SRGAP3: variants seen among roughly 807,000 people sequenced by gnomAD.
The protein encoded by SRGAP3 is SLIT-ROBO Rho GTPase activating protein 3.
In SRGAP3, 39 loss-of-function variants were observed where a neutral mutation model predicts 121.1. That is an observed-to-expected ratio of 0.32 (90% CI 0.25 to 0.42). SRGAP3 has a LOEUF of 0.42. SRGAP3 is among the 10% of genes least tolerant of loss of function. The pLI is 1.00. For synonymous variants in SRGAP3, 601 were observed against 570.0 expected (o/e 1.05, Z -0.77); for missense variants, 1,213 against 1,470.6 (o/e 0.82, Z 2.86).
At chr3:9,348,950 GT>G (rs2029904864) in intron 1 of SRGAP3, 2 of 944,144 alleles carry the variant, frequency 2.1e-6, no homozygotes, top group Non-Finnish European at 3.5e-6. Flanking sequence ...TGAAGAAATA[GT>G]TCCCCAGATC....
rs1417529539 is a variant in SRGAP3, at chr3:9,078,141, G to A, written c.486+1884C>T. Among the ~76,000 whole-genome samples the A allele has an allele frequency of 2.0e-5, 3 of 152,180 alleles. No individual in the cohort carries two copies. In the East Asian group the frequency reaches 5.8e-4, roughly 29 times the overall value. ...AGCATGACACTAACAGGTAGGTATA[G>A]ACAGCAGGGATTGCAGGGAAAAAGC... On this transcript the variant is annotated intron_variant, in intron 4 of 21. Coordinates refer to ENST00000383836, the MANE Select transcript of SRGAP3 (RefSeq NM_014850.4).
chr3:9,210,590 T>C (rs1340881359), intron 1 of SRGAP3, among the ~76,000 whole-genome samples: 1 of 152,164 alleles, frequency 6.6e-6, no homozygotes, highest in Non-Finnish European at 1.5e-5. Context: ...TTTGGGAGGC[T>C]GAGGCGGGCA....
chr3:9,062,327 C>T (rs9653985), intron 5 of SRGAP3, among the ~76,000 whole-genome samples: 16,721 of 152,196 alleles, frequency 0.11, 1,163 homozygotes, highest in African/African-American at 0.19. Flanking sequence ...TAAAAATCGG[C>T]CTCTGGACTT....
At chr3:9,314,467 GGAA>G (rs1014230713) in intron 3 of SRGAP3, among the ~76,000 whole-genome samples, 7 of 152,016 alleles carry the variant, frequency 4.6e-5, no homozygotes, top group Admixed American at 3.3e-4. Flanking sequence ...AAGGAGAAGG[GGAA>G]GAAGAAGAAA....
rs1428830219 is a variant in SRGAP3, at chr3:9,239,454, C to G, written c.67+9431G>C. ...GAAAGAAAAATATATTTCTTGTGCA[C>G]CTGGGTTTGTAGCTGAGATTTGTTC... On this transcript the variant is annotated intron_variant, in intron 1 of 21. Coordinates refer to ENST00000383836, the MANE Select transcript of SRGAP3 (RefSeq NM_014850.4). The surrounding 1 kb of genome is among the most constrained non-coding windows in gnomAD (Gnocchi z 4.0). 6.6e-6 allele frequency among the ~76,000 whole-genome samples: 1 copy of G among 152,106 alleles called. No individual in the cohort carries two copies. The highest frequency in any genetic ancestry group is 1.5e-5 in the Non-Finnish European group (1 of 68,028).
At chr3:9,031,499 G>A (rs1481581248) in intron 12 of SRGAP3, among the ~76,000 whole-genome samples, 2 of 152,044 alleles carry the variant, frequency 1.3e-5, no homozygotes, top group East Asian at 1.9e-4. Flanking sequence ...TCGACCCTGG[G>A]CAGTCCCAAC....
chr3:9,097,003 A>G (rs1013315780), intron 3 of SRGAP3, among the ~76,000 whole-genome samples: 4 of 140,820 alleles, frequency 2.8e-5, no homozygotes, highest in African/African-American at 1.0e-4. Context: ...ACATATATAT[A>G]TATTAGAGAC....
In SRGAP3 at chr3:8,994,368, G is replaced by C. The variant is rs1942258081; in HGVS notation, c.2383C>G (p.His795Asp). The C allele has an allele frequency of 6.2e-7, 1 of 1,614,164 alleles. No homozygotes were observed. Among genetic ancestry groups the C allele is most frequent in the Non-Finnish European group, 8.5e-7 (1 of 1,180,040 alleles). The change falls in exon 19 of 22, where the codon CAT becomes GAT. Residue 795 changes from histidine to aspartate, a missense_variant. Coordinates refer to ENST00000383836, the MANE Select transcript of SRGAP3 (RefSeq NM_014850.4). The part of the protein sequence containing the change: ...RHNGVDGLIP[H>D]QYIVVQDMDD... ...ATGTCCTGTACAACTATGTACTGAT[G>C]GGGGATGAGTCCATCCACGCCGTTG...
At chr3:9,361,838 G>T (rs2030863950) in intron 1 of SRGAP3, among the ~76,000 whole-genome samples, 2 of 152,120 alleles carry the variant, frequency 1.3e-5, no homozygotes, top group South Asian at 4.1e-4. Context: ...GTCGACAGAG[G>T]ACGTGCAGTG....
intron 1 of SRGAP3, among the ~76,000 whole-genome samples, chr3:9,181,825 G>C (rs1951412159): frequency 6.6e-6 from 1 of 152,180 alleles, no homozygotes; most frequent in South Asian, 2.1e-4. Flanking sequence ...ACTCTCCAAA[G>C]AGGTGGACTG....
intron 3 of SRGAP3, among the ~76,000 whole-genome samples, chr3:9,288,128 TTG>T (rs1491357861): frequency 1.5e-5 from 2 of 131,760 alleles, no homozygotes; most frequent in Admixed American, 1.7e-4. Flanking sequence ...CATTCTATCT[TTG>T]TTTTTTTTTT....
intron 4 of SRGAP3, among the ~76,000 whole-genome samples, chr3:9,075,826 T>C (rs148003171): frequency 6.6e-6 from 1 of 152,330 alleles, no homozygotes; most frequent in East Asian, 1.9e-4. Context: ...GCATGGTAAC[T>C]AGAAAGTGCT....
At chr3:9,249,679 C>G (rs373456808), upstream of SRGAP3, 1 of 232,996 alleles carries the variant, frequency 4.3e-6, no homozygotes, top group African/African-American at 2.2e-5. Context: ...AGCTCTCCCC[C>G]ACTGCTCACG....
chr3:9,124,965 G>A (rs764652532), intron 1 of SRGAP3, 48 bp from the exon 2 acceptor site: 10 of 1,609,096 alleles, frequency 6.2e-6, no homozygotes, highest in Non-Finnish European at 7.6e-6. Context: ...TGGGGACGGG[G>A]GCACTGGGGC....
At chr3:9,203,089 G>A (rs1413016226) in intron 1 of SRGAP3, among the ~76,000 whole-genome samples, 1 of 152,136 alleles carries the variant, frequency 6.6e-6, no homozygotes, top group Non-Finnish European at 1.5e-5. Flanking sequence ...AATCCTCAGG[G>A]AACTTATTGC....
Position 8,984,150 on chromosome 3 carries a change from AT to A in SRGAP3, c.*1368del, listed in dbSNP as rs1941561277. ...ATCATGCACCCATTTCTATCACCAC[AT>A]TTTCATCTACACTAAATGTTCTGGA... On this transcript the variant is annotated 3_prime_UTR_variant, in exon 22 of 22. Coordinates refer to ENST00000383836, the MANE Select transcript of SRGAP3 (RefSeq NM_014850.4). 1 of 231,076 alleles carries A rather than the reference AT, an allele frequency of 4.3e-6. No individual in the cohort carries two copies. Among genetic ancestry groups the A allele is most frequent in the African/African-American group, 2.2e-5 (1 of 45,184 alleles). 14.3% of individuals were successfully genotyped at this position (231,076 alleles called of 1,614,324 possible). A position where few individuals can be genotyped will look rare whatever the true frequency, so the allele number is the denominator to read the frequency against.
At chr3:9,086,699 TAC>T (rs1947498539) in intron 3 of SRGAP3, among the ~76,000 whole-genome samples, 1 of 78,788 alleles carries the variant, frequency 1.3e-5, no homozygotes, top group African/African-American at 4.5e-5. Flanking sequence ...TATACATATA[TAC>T]ACACACATCT....
intron 8 of SRGAP3, among the ~76,000 whole-genome samples, chr3:9,054,366 A>C (rs1945722279): frequency 6.6e-6 from 1 of 152,236 alleles, no homozygotes; most frequent in Non-Finnish European, 1.5e-5. Flanking sequence ...ATAAAACCTT[A>C]GTCTGCACAA....
At chr3:9,141,611 T>C (rs2125034155) in intron 1 of SRGAP3, among the ~76,000 whole-genome samples, 1 of 151,774 alleles carries the variant, frequency 6.6e-6, no homozygotes, top group East Asian at 1.9e-4. Flanking sequence ...TGTTCTTTTC[T>C]TTTTAACCTT....
Sources: allele counts gnomAD v4.1 joint callset (sites outside exome capture counted in the v4.1 genomes callset), GRCh38; gene constraint gnomAD v4.1.1; non-coding constraint Gnocchi (gnomAD v3.1); transcripts MANE v1.5; gene names NCBI Gene and HGNC (gene_info 2026-07-23, HGNC 2026-07-21).